Variants in PLCL2 observed in about 807,000 individuals in gnomAD.
PLCL2 encodes phospholipase C like 2.
In PLCL2, 4 loss-of-function variants were observed where a neutral mutation model predicts 79.6. That is an observed-to-expected ratio of 0.05 (90% CI 0.02 to 0.11). The LOEUF is 0.11. PLCL2 is among the 10% of genes least tolerant of loss of function. The pLI, the probability that PLCL2 is intolerant of heterozygous loss-of-function variation, is 1.00. For missense variants in PLCL2, 895 were observed against 1,291.0 expected, an observed-to-expected ratio of 0.69 and a Z score of 4.70; for synonymous variants, 484 against 457.7, an observed-to-expected ratio of 1.06 and a Z score of -0.73.
chr3:16,961,586 G>A (rs544469512), intron 1 of PLCL2, among the ~76,000 whole-genome samples: 9 of 152,320 alleles, frequency 5.9e-5, no homozygotes, highest in Non-Finnish European at 1.3e-4. Context: ...AAGACTGTGT[G>A]AAGGGAATGG....
At chr3:16,952,861 G>A (rs994195457) in intron 1 of PLCL2, among the ~76,000 whole-genome samples, 6 of 151,920 alleles carry the variant, frequency 3.9e-5, no homozygotes, top group Non-Finnish European at 8.8e-5. Context: ...ATGCAAAATT[G>A]CAACTTACCG....
chr3:16,934,218 A>C (rs1185293714), intron 1 of PLCL2, among the ~76,000 whole-genome samples: 2 of 152,184 alleles, frequency 1.3e-5, no homozygotes, highest in Non-Finnish European at 2.9e-5. Flanking sequence ...TTAAATCCAC[A>C]TAATGTGGCC....
At chr3:17,075,380 A>T (rs994456129) in intron 5 of PLCL2, among the ~76,000 whole-genome samples, 2 of 152,134 alleles carry the variant, frequency 1.3e-5, no homozygotes, top group Admixed American at 1.3e-4. Flanking sequence ...AACATCAAAG[A>T]CCACCAATCA....
intron 3 of PLCL2, among the ~76,000 whole-genome samples, chr3:17,026,388 A>G (rs2064517691): frequency 6.6e-6 from 1 of 152,220 alleles, no homozygotes; most frequent in African/African-American, 2.4e-5. Flanking sequence ...TTAGGGCTAA[A>G]TGTTAGGGAT....
chr3:17,000,514 G>T (rs1461686029), intron 1 of PLCL2, among the ~76,000 whole-genome samples: 1 of 151,970 alleles, frequency 6.6e-6, no homozygotes, highest in Non-Finnish European at 1.5e-5. Context: ...TCAACCTACT[G>T]TGCTGTCAAA....
chr3:17,048,800 C>T (rs762616594), intron 4 of PLCL2, among the ~76,000 whole-genome samples: 7 of 152,112 alleles, frequency 4.6e-5, no homozygotes, highest in Admixed American at 6.6e-5. Flanking sequence ...CTCACAGTTA[C>T]GGCATATTAT....
chr3:17,023,198 C>G (rs1334776857), intron 3 of PLCL2, among the ~76,000 whole-genome samples: 1 of 152,194 alleles, frequency 6.6e-6, no homozygotes, highest in East Asian at 1.9e-4. Flanking sequence ...CCTCTCTGTT[C>G]TCTCGTCAAG....
At chr3:17,037,015 A>G (rs1286507111) in intron 3 of PLCL2, among the ~76,000 whole-genome samples, 1 of 152,212 alleles carries the variant, frequency 6.6e-6, no homozygotes, top group African/African-American at 2.4e-5. Context: ...CATTGACAAT[A>G]CTTGAATTTT....
intron 1 of PLCL2, among the ~76,000 whole-genome samples, chr3:16,976,034 C>T (rs899973163): frequency 3.9e-5 from 6 of 152,080 alleles, no homozygotes; most frequent in African/African-American, 1.4e-4. Context: ...TTCAACCTTG[C>T]CCATCCAGGT....
chr3:16,956,514 G>C (rs1254286912), intron 1 of PLCL2, among the ~76,000 whole-genome samples: 1 of 152,162 alleles, frequency 6.6e-6, no homozygotes, highest in East Asian at 1.9e-4. Flanking sequence ...TCTCTGCCAG[G>C]CTTTGGTATC....
At chr3:16,920,839 C>T (rs923434983) in intron 1 of PLCL2, among the ~76,000 whole-genome samples, 5 of 152,134 alleles carry the variant, frequency 3.3e-5, no homozygotes, top group Non-Finnish European at 7.4e-5. Flanking sequence ...ACTAATTTCT[C>T]GCACCAAATC....
At chr3:16,912,251 A>G (rs1696899353) in intron 1 of PLCL2, among the ~76,000 whole-genome samples, 1 of 151,970 alleles carries the variant, frequency 6.6e-6, no homozygotes, top group South Asian at 2.1e-4. Context: ...TTTTTTAAAT[A>G]GCCAAATAGT....
intron 1 of PLCL2, among the ~76,000 whole-genome samples, chr3:16,942,767 G>T (rs1263055211): frequency 6.6e-6 from 1 of 152,152 alleles, no homozygotes; most frequent in African/African-American, 2.4e-5. Context: ...AAGAATAAAA[G>T]AAACAACTGT....
chr3:16,988,864 T>G (rs538224970), intron 1 of PLCL2, among the ~76,000 whole-genome samples: 32 of 152,206 alleles, frequency 2.1e-4, no homozygotes, highest in Non-Finnish European at 3.8e-4. Flanking sequence ...TATTAGTTTT[T>G]AATTCCATTT....
intron 1 of PLCL2, among the ~76,000 whole-genome samples, chr3:16,953,804 A>G (rs1431866923): frequency 2.6e-5 from 4 of 152,110 alleles, no homozygotes; most frequent in African/African-American, 9.7e-5. Context: ...TGTTTGCACC[A>G]TTGTATCTTT....
At chr3:16,914,688 T>C (rs941471726) in intron 1 of PLCL2, among the ~76,000 whole-genome samples, 1 of 152,118 alleles carries the variant, frequency 6.6e-6, no homozygotes, top group African/African-American at 2.4e-5. Context: ...TTAGGGGGTA[T>C]GTGTGATTTA....
intron 4 of PLCL2, among the ~76,000 whole-genome samples, chr3:17,062,698 T>G (rs1007803360): frequency 6.6e-6 from 1 of 152,254 alleles, no homozygotes; most frequent in African/African-American, 2.4e-5. Context: ...ACAACTATAC[T>G]TGGCTCTAAA....
At chr3:17,024,682 CA>C (rs2064495471) in intron 3 of PLCL2, among the ~76,000 whole-genome samples, 1 of 152,174 alleles carries the variant, frequency 6.6e-6, no homozygotes. Context: ...TTGTGAGTTC[CA>C]AATCTTTTCA....
At chr3:17,028,299 G>A (rs1387227246) in intron 3 of PLCL2, among the ~76,000 whole-genome samples, 1 of 152,052 alleles carries the variant, frequency 6.6e-6, no homozygotes, top group Non-Finnish European at 1.5e-5. Flanking sequence ...TTTAAAGGAA[G>A]GGATTATAAA....
Sources: allele counts gnomAD v4.1 joint callset (sites outside exome capture counted in the v4.1 genomes callset), GRCh38; gene constraint gnomAD v4.1.1; transcripts MANE v1.5; gene names NCBI Gene and HGNC (gene_info 2026-07-23, HGNC 2026-07-21).